The following PRDM2 variants were observed in gnomAD, a reference collection of about 807,000 sequenced individuals.
The protein encoded by PRDM2 is PR/SET domain 2, also known as PR domain zinc finger protein 2.
PRDM2 carries 30 observed loss-of-function variants against 130.0 expected under a neutral mutation model. That is an observed-to-expected ratio of 0.23 (90% CI 0.17 to 0.31). The LOEUF (loss-of-function observed/expected upper bound fraction) is 0.31, where lower values mean the gene tolerates loss of function less well. Among genes scored for constraint, PRDM2 ranks in the 10% least tolerant of loss-of-function variants. The pLI is 1.00. For synonymous variants in PRDM2, 871 were observed against 782.4 expected, an observed-to-expected ratio of 1.11 and a Z score of -1.89; for missense variants, 2,011 against 2,108.4, an observed-to-expected ratio of 0.95 and a Z score of 0.90.
intron 6 of PRDM2, among the ~76,000 whole-genome samples, chr1:13,752,931 C>T (rs1037181326): frequency 6.6e-6 from 1 of 152,188 alleles, no homozygotes; most frequent in African/African-American, 2.4e-5. Flanking sequence ...TAGAAACATG[C>T]TCTGTGAAGC....
chr1:13,723,533 G>C (rs1193338866), intron 2 of PRDM2, among the ~76,000 whole-genome samples: 4 of 152,208 alleles, frequency 2.6e-5, no homozygotes, highest in African/African-American at 9.6e-5. Flanking sequence ...AGCAGGGTTT[G>C]GCTCTGTTGA....
chr1:13,747,287 C>G (rs903698630), intron 5 of PRDM2, among the ~76,000 whole-genome samples: 5 of 152,114 alleles, frequency 3.3e-5, no homozygotes, highest in African/African-American at 1.2e-4. Flanking sequence ...CTAGTCATTT[C>G]AAATATTAGT....
At chr1:13,715,206 T>A (rs551645911) in intron 1 of PRDM2, among the ~76,000 whole-genome samples, 1 of 152,328 alleles carries the variant, frequency 6.6e-6, no homozygotes, top group South Asian at 2.1e-4. Context: ...TATTGCATAA[T>A]AAGGTACTCA....
Position 13,782,745 on chromosome 1 carries a change from C to A in PRDM2, c.4950C>A (p.Thr1650=), listed in dbSNP as rs893676417. ...GAGAGCGGAGTGGGGGGCCAGTCAC[C>A]CGGAGCCTTCAGCTGGCAGCTGCTG... ...KSRERSGGPV[T]RSLQLAAAAD... The change falls in exon 8 of 10, where the codon ACC becomes ACA. Residue 1650 remains threonine (T), a synonymous_variant. Coordinates refer to ENST00000311066, the MANE Select transcript of PRDM2 (RefSeq NM_001393986.1). 5 of 1,612,932 alleles carry A rather than the reference C, an allele frequency of 3.1e-6. No individual in the cohort carries two copies. Among genetic ancestry groups the A allele is most frequent in the Non-Finnish European group, 4.2e-6 (5 of 1,179,686 alleles).
chr1:13,705,464 A>G (rs1024221301), intron 1 of PRDM2: 3 of 151,868 alleles, frequency 2.0e-5, no homozygotes, highest in African/African-American at 4.8e-5. Context: ...AGGGGCCACT[A>G]TGTTTTCTAC....
At chr1:13,758,040 T>A (rs1308666572) in intron 6 of PRDM2, among the ~76,000 whole-genome samples, 5 of 152,186 alleles carry the variant, frequency 3.3e-5, no homozygotes, top group African/African-American at 1.2e-4. Context: ...ATTCTTAGAA[T>A]ATGTATGTCT....
At chr1:13,714,779 A>G (rs1642482437) in intron 1 of PRDM2, among the ~76,000 whole-genome samples, 1 of 152,200 alleles carries the variant, frequency 6.6e-6, no homozygotes, top group African/African-American at 2.4e-5. Flanking sequence ...AAACGTGGGA[A>G]ATGTTTAGAA....
chr1:13,804,548 T>A (rs891334978), intron 8 of PRDM2, among the ~76,000 whole-genome samples: 5 of 152,094 alleles, frequency 3.3e-5, no homozygotes, highest in Admixed American at 1.3e-4. Context: ...AAATTCTGAC[T>A]TGGAGTGGGT....
chr1:13,755,656 T>A (rs951697069), intron 6 of PRDM2, among the ~76,000 whole-genome samples: 7 of 152,222 alleles, frequency 4.6e-5, no homozygotes, highest in African/African-American at 9.6e-5. Flanking sequence ...TGTTTTTTTT[T>A]AAACTCGTTC....
intron 1 of PRDM2, chr1:13,705,541 C>T (rs1358579079): frequency 6.6e-6 from 1 of 152,182 alleles, no homozygotes; most frequent in Non-Finnish European, 1.5e-5. Context: ...TATTTTTCCG[C>T]TTGGCAATTT....
chr1:13,769,507 A>G (rs545687334), intron 6 of PRDM2, among the ~76,000 whole-genome samples: 2 of 152,254 alleles, frequency 1.3e-5, no homozygotes, highest in East Asian at 3.9e-4. Context: ...ACTTTCTCCC[A>G]CAAAATTGAA....
chr1:13,706,972 A>T (rs1036345820), intron 1 of PRDM2, among the ~76,000 whole-genome samples: 1 of 142,592 alleles, frequency 7.0e-6, no homozygotes, highest in African/African-American at 2.6e-5. Flanking sequence ...TACCAAAACT[A>T]AAAAAAAAAA....
intron 2 of PRDM2, among the ~76,000 whole-genome samples, chr1:13,723,842 C>A (rs943940229): frequency 1.3e-5 from 2 of 152,180 alleles, no homozygotes; most frequent in African/African-American, 4.8e-5. Context: ...TTTGCCCGTT[C>A]GCAGTGACCA....
chr1:13,747,696 T>C (rs775341322), intron 5 of PRDM2, among the ~76,000 whole-genome samples: 2 of 150,560 alleles, frequency 1.3e-5, no homozygotes, highest in Admixed American at 6.6e-5. Flanking sequence ...TTGGGGGCTT[T>C]ATCTAGACTA....
intron 8 of PRDM2, among the ~76,000 whole-genome samples, chr1:13,794,131 G>A (rs1032611304): frequency 2.6e-5 from 4 of 152,240 alleles, no homozygotes; most frequent in African/African-American, 9.6e-5. Context: ...GTGCAGGCCA[G>A]CACTAGCCGG....
In PRDM2 at chr1:13,796,992, G is replaced by A. The variant is rs144991106; in HGVS notation, c.5036+14161G>A. 8.1e-4 allele frequency among the ~76,000 whole-genome samples: 123 copies of A among 152,306 alleles called. 1 individual carries two copies. The highest frequency in any genetic ancestry group is 2.7e-3 in the African/African-American group (112 of 41,564). ...CTTTCTCAGCAAATATTTGTTGCCA[G>A]GTGAAGTTCCTTAGTTCTGAAACAA... On this transcript the variant is annotated intron_variant, in intron 8 of 9. Coordinates refer to ENST00000311066, the MANE Select transcript of PRDM2 (RefSeq NM_001393986.1).
intron 2 of PRDM2, among the ~76,000 whole-genome samples, chr1:13,725,486 T>G (rs572656968): frequency 3.3e-5 from 5 of 152,342 alleles, no homozygotes; most frequent in Non-Finnish European, 5.9e-5. Context: ...ATTACAGGCA[T>G]GAGCCACTGC....
rs1388209233 is a variant in PRDM2 at position 13,778,595 on chromosome 1, G to GGGAAGA, written c.804_809dup (p.Glu275_Glu276dup). On this transcript the variant is annotated inframe_insertion, in exon 8 of 10. Transcript: ENST00000311066. The stretch of plus-strand genomic sequence containing the variant: ...GCAGCTTGTGAGGTGAATGATTTGG[G>GGGAAGA]GGAAGAGGAGGAGGAGGAAGAGGAG... The GGGAAGA allele has an allele frequency of 6.2e-7, 1 of 1,613,850 alleles. No individual in the cohort carries two copies. Among genetic ancestry groups the GGGAAGA allele is most frequent in the Non-Finnish European group, 8.5e-7 (1 of 1,179,978 alleles).
At chr1:13,712,285 T>C (rs1454320725) in intron 1 of PRDM2, among the ~76,000 whole-genome samples, 1 of 152,218 alleles carries the variant, frequency 6.6e-6, no homozygotes, top group Non-Finnish European at 1.5e-5. Context: ...TTTTAAGTAC[T>C]ATTGTAATTA....
Sources: allele counts gnomAD v4.1 joint callset (sites outside exome capture counted in the v4.1 genomes callset), GRCh38; gene constraint gnomAD v4.1.1; transcripts MANE v1.5; gene names NCBI Gene and HGNC (gene_info 2026-07-23, HGNC 2026-07-21).